The following CDK2 variants were observed in gnomAD, a reference collection of about 807,000 sequenced individuals.
CDK2 encodes the protein cyclin-dependent kinase 2.
Under a neutral mutation model 35.0 loss-of-function variants are expected in CDK2, and 8 were observed. The observed-to-expected ratio is 0.23, with a 90% CI of 0.13 to 0.41. CDK2 has a LOEUF of 0.41. Ranked by LOEUF, CDK2 falls within the 10% of genes least tolerant of loss-of-function variation. The pLI, the probability that CDK2 is intolerant of heterozygous loss-of-function variation, is 1.00. For synonymous variants in CDK2, 134 were observed against 137.7 expected (o/e 0.97, Z 0.19); for missense variants, 201 against 367.1 (o/e 0.55, Z 3.70).
chr12:55,970,606 G>A (rs1889447348), intron 5 of CDK2: 1 of 702,044 alleles, frequency 1.4e-6, no homozygotes. Context: ...AGCACCTAGT[G>A]GGTACCCAGC....
Position 55,971,161 on chromosome 12 carries a change from T to A in CDK2, c.706T>A (p.Tyr236Asn). ...VWPGVTSMPD[Y>N]KPSFPKWARQ... Reference sequence around the variant, plus strand: ...GCCAGGAGTTACTTCTATGCCTGATTACAAGCCAAGTTTCCCCAAGTGGGC... The same window carrying A: ...GCCAGGAGTTACTTCTATGCCTGATAACAAGCCAAGTTTCCCCAAGTGGGC... Residue 236 changes from tyrosine (Y) to asparagine (N), a missense_variant, in exon 6 of 7, where the codon TAC becomes AAC. Physicochemically the swap from Tyr to Asn is moderately radical, Grantham distance 143 (BLOSUM62 -2). This residue lies in a region of CDK2 where 106 missense variants were observed against 141.3 expected (regional missense o/e 0.75). Transcript: ENST00000266970. 6.2e-7 allele frequency: 1 copy of A among 1,614,102 alleles called. No individual in the cohort carries two copies. Among genetic ancestry groups the A allele is most frequent in the Non-Finnish European group, 8.5e-7 (1 of 1,180,000 alleles).
At chr12:55,968,281 A>G (rs1304642168) in intron 3 of CDK2, 112 bp downstream of exon 3, 2 of 996,590 alleles carry the variant, frequency 2.0e-6, no homozygotes, top group East Asian at 2.4e-5. Flanking sequence ...CTCATCTCCT[A>G]TACACACACA....
chr12:55,967,184 C>T, intron 1 of CDK2, 60 bp downstream of exon 1: 2 of 1,293,712 alleles, frequency 1.5e-6, no homozygotes, highest in Non-Finnish European at 2.2e-6. Context: ...TCCCCCCCAA[C>T]CCCCCACGGG....
intron 5 of CDK2, chr12:55,970,695 C>A: frequency 2.8e-6 from 2 of 702,268 alleles, no homozygotes; most frequent in Non-Finnish European, 5.2e-6. Flanking sequence ...CTAGAAGTGG[C>A]TGCATCACAA....
rs984545513 is a variant in CDK2 at position 55,967,737 on chromosome 12, TTC to T, written c.117-115_117-114del. The T allele has an allele frequency of 1.8e-4, 142 of 791,038 alleles. No homozygotes were observed. In the African/African-American group the frequency reaches 2.3e-3, roughly 13 times the overall value. The allele number at this position is 791,038 out of a possible 1,614,324, so 49.0% of individuals were successfully genotyped here. On this transcript the variant is annotated intron_variant, in intron 1 of 6. Coordinates refer to ENST00000266970, the MANE Select transcript of CDK2 (RefSeq NM_001798.5). ...TTAGCTCTTACCATCACCCTTTCTC[TTC>T]TCTCACTTTCCTAGGGGGTGCTGGG... is the stretch of plus-strand genomic sequence containing the variant.
At chr12:55,967,293 C>T (rs1159874525) in intron 1 of CDK2, 169 bp downstream of exon 1, 1 of 616,024 alleles carries the variant, frequency 1.6e-6, no homozygotes, top group East Asian at 2.8e-5. Flanking sequence ...TATACTTATA[C>T]TCCCTGGGGA....
Position 55,966,864 on chromosome 12 carries a change from A to AG in CDK2, c.-143dup, listed in dbSNP as rs1329777728. 1.7e-5 allele frequency: 14 copies of AG among 837,634 alleles called. No homozygotes were observed. Among genetic ancestry groups the AG allele is most frequent in the Non-Finnish European group, 2.5e-5 (14 of 553,036 alleles). The allele number at this position is 837,634 out of a possible 1,614,324, so 51.9% of individuals were successfully genotyped here. ...AGTTGGCCAAATTGACAAGAGCGAGAGGTATACTGCGTTCCATCCCGACCC... is the reference window on the plus strand; with the variant it reads ...AGTTGGCCAAATTGACAAGAGCGAGAGGGTATACTGCGTTCCATCCCGACCC... On this transcript the variant is annotated 5_prime_UTR_variant, in exon 1 of 7. Transcript: ENST00000266970.
At chr12:55,968,745 G>C in intron 3 of CDK2, 33 bp from the exon 4 acceptor site, 3 of 1,551,752 alleles carry the variant, frequency 1.9e-6, no homozygotes, top group Middle Eastern at 2.2e-4. Context: ...CACTGTAATG[G>C]AGAAACACAG....
chr12:55,970,558 C>G lies in CDK2; in HGVS notation c.589-486C>G, dbSNP rs1399305668. On this transcript the variant is annotated intron_variant, in intron 5 of 6. Coordinates refer to ENST00000266970, the MANE Select transcript of CDK2 (RefSeq NM_001798.5). ...CCCCAGTGCATTACCTTACAATTGT[C>G]CGTATTCCTCTCTCAATTCATCAAA... 3 of 698,220 alleles carry G rather than the reference C, an allele frequency of 4.3e-6. No individual in the cohort carries two copies. The South Asian group carries it at 4.5e-5, about 10-fold the overall frequency. 43.3% of individuals were successfully genotyped at this position (698,220 alleles called of 1,614,324 possible).
At chr12:55,969,381 G>T (rs1889417481) in intron 4 of CDK2, 94 bp from the exon 5 acceptor site, 2 of 601,764 alleles carry the variant, frequency 3.3e-6, no homozygotes, top group African/African-American at 1.9e-5. Flanking sequence ...CTTGTTAAGA[G>T]GCCAAGAGTA....
At chr12:55,969,609 C>A in intron 5 of CDK2, 33 bp downstream of exon 5, 1 of 1,188,042 alleles carries the variant, frequency 8.4e-7, no homozygotes, top group Non-Finnish European at 1.2e-6. Flanking sequence ...CACCCAGCCC[C>A]CTCCCTCTCC....
Position 55,971,574 on chromosome 12 carries a change from T to C in CDK2, c.846T>C (p.Ala282=). The change falls in exon 7 of 7, where the codon GCT becomes GCC. Residue 282 remains alanine, a synonymous_variant. Coordinates refer to ENST00000266970, the MANE Select transcript of CDK2 (RefSeq NM_001798.5). ...NKRISAKAAL[A]HPFFQDVTKP... ...GGATTTCGGCCAAGGCAGCCCTGGC[T>C]CACCCTTTCTTCCAGGATGTGACCA... The C allele has an allele frequency of 6.2e-7, 1 of 1,614,160 alleles. No individual in the cohort carries two copies. Among genetic ancestry groups the C allele is most frequent in the Non-Finnish European group, 8.5e-7 (1 of 1,180,006 alleles).
Position 55,967,003 on chromosome 12 carries a change from C to A in CDK2, c.-6C>A. On this transcript the variant is annotated 5_prime_UTR_variant, in exon 1 of 7. Coordinates refer to ENST00000266970, the MANE Select transcript of CDK2 (RefSeq NM_001798.5). ...GGGCCGGGCTGACCCGACTCGCTGG[C>A]GCTTCATGGAGAACTTCCAAAAGGT... is the stretch of plus-strand genomic sequence containing the variant. 6.2e-7 allele frequency: 1 copy of A among 1,605,804 alleles called. No individual in the cohort carries two copies. Among genetic ancestry groups the A allele is most frequent in the Non-Finnish European group, 8.5e-7 (1 of 1,174,886 alleles).
chr12:55,969,641 G>A (rs1422773272), intron 5 of CDK2, 65 bp downstream of exon 5: 11 of 891,480 alleles, frequency 1.2e-5, no homozygotes, highest in Non-Finnish European at 1.8e-5. Flanking sequence ...AAGAACAACA[G>A]AACTGCTTCT....
chr12:55,968,323 C>T, intron 3 of CDK2, 154 bp downstream of exon 3: 3 of 721,474 alleles, frequency 4.2e-6, no homozygotes, highest in South Asian at 1.9e-5. Context: ...CTTCCCTGCT[C>T]ATTATATTCA....
chr12:55,969,507 C>T lies in CDK2; in HGVS notation c.519C>T (p.Ile173=). Residue 173 remains isoleucine, a synonymous_variant, in exon 5 of 7, where the codon ATC becomes ATT. Coordinates refer to ENST00000266970, the MANE Select transcript of CDK2 (RefSeq NM_001798.5). ...CCCTGTGGTACCGAGCTCCTGAAAT[C>T]CTCCTGGGCTGCAAATATTATTCCA... The part of the protein sequence containing the change: ...VVTLWYRAPE[I]LLGCKYYSTA... 1 of 1,610,646 alleles carries T rather than the reference C, an allele frequency of 6.2e-7. No homozygotes were observed. Among genetic ancestry groups the T allele is most frequent in the African/African-American group, 1.3e-5 (1 of 74,868 alleles).
chr12:55,971,471 A>G (rs1456167126), intron 6 of CDK2, 50 bp from the exon 7 acceptor site: 2 of 1,396,978 alleles, frequency 1.4e-6, no homozygotes, highest in African/African-American at 2.8e-5. Context: ...CCTGCTGCCC[A>G]TTTAGTCCAC....
In CDK2 at chr12:55,969,073, A is replaced by G. The variant is rs1889410520; in HGVS notation, c.486+125A>G. On this transcript the variant is annotated intron_variant, in intron 4 of 6. Coordinates refer to ENST00000266970, the MANE Select transcript of CDK2 (RefSeq NM_001798.5). ...GGTAGAAATAATCTCTTGACATCCT[A>G]AAGAGTCTTAGGGTATGCATGGAAT... 10 of 726,624 alleles carry G rather than the reference A, an allele frequency of 1.4e-5. 1 individual carries two copies. The South Asian group carries it at 2.1e-4, about 15-fold the overall frequency. The allele number at this position is 726,624 out of a possible 1,614,324, so 45.0% of individuals were successfully genotyped here.
chr12:55,967,905 T>G lies in CDK2; in HGVS notation c.165T>G (p.Leu55=). 1 of 1,614,110 alleles carries G rather than the reference T, an allele frequency of 6.2e-7. No individual in the cohort carries two copies. The highest frequency in any genetic ancestry group is 8.5e-7 in the Non-Finnish European group (1 of 1,179,988). The part of the protein sequence containing the change: ...PSTAIREISL[L]KELNHPNIVK... ...CTGCCATCCGAGAGATCTCTCTGCTTAAGGAGCTTAACCATCCTAATATTG... is the reference window on the plus strand; with the variant it reads ...CTGCCATCCGAGAGATCTCTCTGCTGAAGGAGCTTAACCATCCTAATATTG... Residue 55 remains leucine, a synonymous_variant, in exon 2 of 7, where the codon CTT becomes CTG. Transcript: ENST00000266970.
Sources: gnomAD v4.1 joint callset for allele counts on GRCh38, gnomAD v4.1.1 for gene constraint, gnomAD v4.1.1 regional missense constraint, MANE v1.5 for transcripts, NCBI Gene and HGNC (gene_info 2026-07-23, HGNC 2026-07-21) for gene names.